Variants in OPRD1 observed in about 807,000 individuals in gnomAD.
OPRD1 encodes opioid receptor delta 1.
In OPRD1, 19 loss-of-function variants were observed where a neutral mutation model predicts 17.5. The ratio of observed to expected loss-of-function variants is 1.09; its 90% confidence interval spans 0.76 to 1.60. OPRD1 has a LOEUF of 1.60. Among genes scored for constraint, OPRD1 ranks in the 40% most tolerant of loss-of-function variants. OPRD1 has a pLI of 0.00. For synonymous variants in OPRD1, 256 were observed against 240.9 expected (o/e 1.06, Z -0.58); for missense variants, 483 against 547.2 (o/e 0.88, Z 1.17).
At chr1:28,852,462 G>A (rs1569645221) in intron 1 of OPRD1, among the ~76,000 whole-genome samples, 3 of 152,248 alleles carry the variant, frequency 2.0e-5, no homozygotes, top group East Asian at 3.9e-4. Context: ...TATCTACAAA[G>A]TCGTAAGAAT....
intron 1 of OPRD1, among the ~76,000 whole-genome samples, chr1:28,823,851 G>T (rs941768992): frequency 3.3e-5 from 5 of 150,712 alleles, no homozygotes; most frequent in African/African-American, 9.7e-5. Flanking sequence ...TAAGTAGAAA[G>T]AACTCAAACT....
chr1:28,849,984 A>G (rs1318970019), intron 1 of OPRD1, among the ~76,000 whole-genome samples: 1 of 146,074 alleles, frequency 6.8e-6, no homozygotes, highest in Non-Finnish European at 1.5e-5. Context: ...GGTTCACGCC[A>G]TTCTCCTGCC....
chr1:28,825,367 C>T (rs2088758090), intron 1 of OPRD1, among the ~76,000 whole-genome samples: 1 of 151,964 alleles, frequency 6.6e-6, no homozygotes, highest in South Asian at 2.1e-4. Context: ...CTGGAAATAG[C>T]AGTACTTGGG....
rs765455729 is a variant in OPRD1 at position 28,862,825 on chromosome 1, G to T, written c.661G>T (p.Ala221Ser). ...TVTKICVFLF[A>S]FVVPILIITV... ...GACCAAGATCTGCGTGTTCCTCTTC[G>T]CCTTCGTGGTGCCCATCCTCATCAT... Residue 221 changes from alanine to serine, a missense_variant, in exon 3 of 3, where the codon GCC (alanine) becomes TCC (serine). Transcript: ENST00000234961. 10 of 1,613,230 alleles carry T rather than the reference G, an allele frequency of 6.2e-6. No individual in the cohort carries two copies. In the Admixed American group the frequency reaches 1.3e-4, roughly 22 times the overall value.
At chr1:28,849,396 T>C (rs188585595) in intron 1 of OPRD1, among the ~76,000 whole-genome samples, 4 of 152,094 alleles carry the variant, frequency 2.6e-5, no homozygotes, top group Admixed American at 2.6e-4. Context: ...CCTACGGAAA[T>C]TGATATTTAC....
chr1:28,849,281 G>A (rs2088978893), intron 1 of OPRD1, among the ~76,000 whole-genome samples: 1 of 152,096 alleles, frequency 6.6e-6, no homozygotes, highest in African/African-American at 2.4e-5. Context: ...GGACTCCCGG[G>A]CCCTTTCTCC....
At chr1:28,821,907 T>C (rs1007077605) in intron 1 of OPRD1, among the ~76,000 whole-genome samples, 29 of 151,740 alleles carry the variant, frequency 1.9e-4, no homozygotes, top group African/African-American at 6.8e-4. Context: ...TACATAATGC[T>C]GTGAACATTC....
rs148522661 is a variant in OPRD1 at position 28,846,222 on chromosome 1, A to G, written c.228-12732A>G. ...GACCAACCTTCCTCCTTCACTTCACATGGCTAACTCTCATCCTTCCAACCT... is the reference window on the plus strand; with the variant it reads ...GACCAACCTTCCTCCTTCACTTCACGTGGCTAACTCTCATCCTTCCAACCT... On this transcript the variant is annotated intron_variant, in intron 1 of 2. Coordinates refer to ENST00000234961, the MANE Select transcript of OPRD1 (RefSeq NM_000911.4). 5.6e-4 allele frequency among the ~76,000 whole-genome samples: 85 copies of G among 152,268 alleles called. No homozygotes were observed. In the East Asian group the frequency reaches 0.013, roughly 23 times the overall value.
chr1:28,814,848 G>C (rs904671839), intron 1 of OPRD1, among the ~76,000 whole-genome samples: 1 of 152,198 alleles, frequency 6.6e-6, no homozygotes, highest in Non-Finnish European at 1.5e-5. Context: ...TGTGAAAATT[G>C]TATCTCTGGG....
At chr1:28,822,015 A>C (rs1220516725) in intron 1 of OPRD1, among the ~76,000 whole-genome samples, 1 of 151,056 alleles carries the variant, frequency 6.6e-6, no homozygotes, top group East Asian at 1.9e-4. Context: ...GCAATGGCGC[A>C]ATCTCGGCTC....
At chr1:28,831,795 C>T (rs2088810665) in intron 1 of OPRD1, among the ~76,000 whole-genome samples, 1 of 152,026 alleles carries the variant, frequency 6.6e-6, no homozygotes, top group Admixed American at 6.6e-5. Flanking sequence ...GCCTTGGCCT[C>T]CCAAAGTACT....
chr1:28,845,087 G>A (rs1451224011), intron 1 of OPRD1, among the ~76,000 whole-genome samples: 1 of 151,788 alleles, frequency 6.6e-6, no homozygotes, highest in Non-Finnish European at 1.5e-5. Flanking sequence ...GCTCATGCCT[G>A]TAATCCCAGC....
Position 28,863,175 on chromosome 1 carries a change from C to T in OPRD1, c.1011C>T (p.Cys337=), listed in dbSNP as rs573922084. ...TCCGCCAGCTCTGCCGCAAGCCCTGCGGCCGCCCAGACCCCAGCAGCTTCA... is the reference window on the plus strand; with the variant it reads ...TCCGCCAGCTCTGCCGCAAGCCCTGTGGCCGCCCAGACCCCAGCAGCTTCA... ...RCFRQLCRKP[C]GRPDPSSFSR... is the part of the protein sequence containing the mutation. Residue 337 remains cysteine, a synonymous_variant, in exon 3 of 3, where the codon TGC becomes TGT. Coordinates refer to ENST00000234961, the MANE Select transcript of OPRD1 (RefSeq NM_000911.4). The T allele has an allele frequency of 6.3e-7, 1 of 1,599,584 alleles. No individual in the cohort carries two copies.
intron 1 of OPRD1, among the ~76,000 whole-genome samples, chr1:28,835,620 C>G (rs1251708746): frequency 1.3e-5 from 2 of 152,166 alleles, no homozygotes; most frequent in Non-Finnish European, 2.9e-5. Context: ...ATAGAGGGAG[C>G]CCCAGCTGGA....
chr1:28,824,313 C>CTTTTTTTTTTTTT (rs58074384), intron 1 of OPRD1, among the ~76,000 whole-genome samples: 11 of 109,802 alleles, frequency 1.0e-4, no homozygotes, highest in Non-Finnish European at 1.8e-4. Context: ...TTTCTTTTTT[C>CTTTTTTTTTTTTT]TTTTTTTTTT....
Position 28,871,175 on chromosome 1 carries a change from T to G in OPRD1, c.*7892T>G, listed in dbSNP as rs559665615. On this transcript the variant is annotated 3_prime_UTR_variant, in exon 3 of 3. Coordinates refer to ENST00000234961, the MANE Select transcript of OPRD1 (RefSeq NM_000911.4). The stretch of plus-strand genomic sequence containing the variant: ...AAAAAGGAAGCTTAAAGCTTTGTTT[T>G]CAGGCTTTTTGCCTACCCCAGGCTC... 3.0e-4 allele frequency: 45 copies of G among 152,018 alleles called. No individual in the cohort carries two copies. The highest frequency in any genetic ancestry group is 1.1e-3 in the African/African-American group (45 of 41,448). The allele number at this position is 152,018 out of a possible 1,614,324, so 9.4% of individuals were successfully genotyped here. A position where few individuals can be genotyped will look rare whatever the true frequency, so the allele number is the denominator to read the frequency against.
In OPRD1 at chr1:28,863,046, G is replaced by A. The variant is rs940186207; in HGVS notation, c.882G>A (p.Pro294=). 4 of 1,604,652 alleles carry A rather than the reference G, an allele frequency of 2.5e-6. No individual in the cohort carries two copies. The highest frequency in any genetic ancestry group is 3.4e-5 in the Admixed American group (2 of 59,042). Residue 294 remains proline (P), a synonymous_variant, in exon 3 of 3, where the codon CCG becomes CCA. Coordinates refer to ENST00000234961, the MANE Select transcript of OPRD1 (RefSeq NM_000911.4). Reference sequence around the variant, plus strand: ...TGGTGGACATCGACCGGCGCGACCCGCTGGTGGTGGCTGCGCTGCACCTGT... The same window carrying A: ...TGGTGGACATCGACCGGCGCGACCCACTGGTGGTGGCTGCGCTGCACCTGT... The part of the protein sequence containing the change: ...WTLVDIDRRD[P]LVVAALHLCI...
Position 28,870,142 on chromosome 1 carries a change from A to G in OPRD1, c.*6859A>G, listed in dbSNP as rs1327303914. ...TAGTTATCTACTGAGCTAATGAACA[A>G]TGTCCCTGGTGCATAGTAAGTGCCC... is the stretch of plus-strand genomic sequence containing the variant. On this transcript the variant is annotated 3_prime_UTR_variant, in exon 3 of 3. Coordinates refer to ENST00000234961, the MANE Select transcript of OPRD1 (RefSeq NM_000911.4). The G allele has an allele frequency of 6.6e-6, 1 of 152,120 alleles. No homozygotes were observed. The highest frequency in any genetic ancestry group is 2.4e-5 in the African/African-American group (1 of 41,402). The allele number at this position is 152,120 out of a possible 1,614,324, so 9.4% of individuals were successfully genotyped here. A position where few individuals can be genotyped will look rare whatever the true frequency, so the allele number is the denominator to read the frequency against.
chr1:28,835,970 TG>T (rs1195501598), intron 1 of OPRD1, among the ~76,000 whole-genome samples: 4 of 152,168 alleles, frequency 2.6e-5, no homozygotes, highest in African/African-American at 9.7e-5. Flanking sequence ...ATGGAGCACA[TG>T]GCTGCCACTT....
Sources: gnomAD v4.1 joint callset for allele counts (sites outside exome capture counted in the v4.1 genomes callset) on GRCh38, gnomAD v4.1.1 for gene constraint, MANE v1.5 for transcripts, NCBI Gene and HGNC (gene_info 2026-07-23, HGNC 2026-07-21) for gene names.